The following SLC9C2 variants were observed in gnomAD, a reference collection of about 807,000 sequenced individuals.
SLC9C2 encodes solute carrier family 9 member C2 (putative), also known as sodium/hydrogen exchanger 11.
Under a neutral mutation model 140.2 loss-of-function variants are expected in SLC9C2, and 75 were observed. The observed-to-expected ratio is 0.53, with a 90% confidence interval of 0.44 to 0.65. The LOEUF (loss-of-function observed/expected upper bound fraction) is 0.65. Ranked by LOEUF, SLC9C2 falls within the 30% of genes least tolerant of loss-of-function variation. The probability of loss-of-function intolerance (pLI) is 0.00; values close to 1 mark genes in which losing one functional copy is unlikely to be tolerated. For missense variants in SLC9C2, 1,074 were observed against 1,331.8 expected (o/e 0.81, Z 3.01); for synonymous variants, 375 against 420.9 (o/e 0.89, Z 1.34).
intron 4 of SLC9C2, among the ~76,000 whole-genome samples, chr1:173,596,963 T>C (rs1187805247): frequency 6.6e-6 from 1 of 151,996 alleles, no homozygotes; most frequent in African/African-American, 2.4e-5. Flanking sequence ...AAGGAGAAAT[T>C]CATAAATCCA....
At chr1:173,547,849 T>G in intron 12 of SLC9C2, 65 bp from the exon 13 acceptor site, 1 of 1,205,126 alleles carries the variant, frequency 8.3e-7, no homozygotes, top group Non-Finnish European at 1.2e-6. Context: ...TAAAAATGAT[T>G]AGGAACTGGC....
At chr1:173,587,032 G>GA (rs1004513593) in intron 5 of SLC9C2, among the ~76,000 whole-genome samples, 12 of 146,108 alleles carry the variant, frequency 8.2e-5, no homozygotes, top group African/African-American at 1.3e-4. Context: ...AAGGAACAAA[G>GA]AAAAAAAAAA....
Position 173,524,787 on chromosome 1 carries a change from TCTC to T in SLC9C2, c.2503_2505del (p.Glu835del). The T allele has an allele frequency of 6.2e-7, 1 of 1,613,898 alleles. No homozygotes were observed. Among genetic ancestry groups the T allele is most frequent in the Non-Finnish European group, 8.5e-7 (1 of 1,179,854 alleles). ...GAATCAAGCAAAATTACCTTATTTA[TCTC>T]AATGACTTCATGCTTATCAATAATG... is the stretch of plus-strand genomic sequence containing the variant. On this transcript the variant is annotated inframe_deletion, in exon 20 of 28. Transcript: ENST00000367714.
intron 6 of SLC9C2, among the ~76,000 whole-genome samples, chr1:173,582,245 T>C (rs1241333482): frequency 6.6e-6 from 1 of 152,186 alleles, no homozygotes; most frequent in Non-Finnish European, 1.5e-5. Context: ...AAGATTCAAA[T>C]GTCCTCAGGA....
chr1:173,554,721 C>A lies in SLC9C2; in HGVS notation c.1297+12G>T. On this transcript the variant is annotated intron_variant, in intron 11 of 27. Transcript: ENST00000367714. ...CTCCCCAGCTAATTCATGAATGAGACACATACTTTACCTAACTTCCTGGCT... is the reference window on the plus strand; with the variant it reads ...CTCCCCAGCTAATTCATGAATGAGAAACATACTTTACCTAACTTCCTGGCT... 2 of 1,558,506 alleles carry A rather than the reference C, an allele frequency of 1.3e-6. No individual in the cohort carries two copies. Among genetic ancestry groups the A allele is most frequent in the Non-Finnish European group, 8.8e-7 (1 of 1,130,068 alleles).
chr1:173,565,210 T>C (rs951385785), intron 9 of SLC9C2, among the ~76,000 whole-genome samples: 3 of 152,130 alleles, frequency 2.0e-5, no homozygotes, highest in Non-Finnish European at 2.9e-5. Context: ...TTTTTAACTT[T>C]ATGTTATCTA....
At chr1:173,521,492 TA>T in intron 21 of SLC9C2, 93 bp from the exon 22 acceptor site, 1 of 296,418 alleles carries the variant, frequency 3.4e-6, no homozygotes, top group South Asian at 1.3e-4. Flanking sequence ...TATATATATA[TA>T]TATATGATTT....
Position 173,501,090 on chromosome 1 carries a change from GT to G in SLC9C2, c.*3del. The G allele has an allele frequency of 6.5e-7, 1 of 1,533,086 alleles. No individual in the cohort carries two copies. Among genetic ancestry groups the G allele is most frequent in the Non-Finnish European group, 8.8e-7 (1 of 1,139,596 alleles). 95.0% of individuals were successfully genotyped at this position (1,533,086 alleles called of 1,614,324 possible). ...ATACCCTTTTCTAAAATGGTATCCA[GT>G]TTTCAACTATAAAAGAAAGTCAAAA... On this transcript the variant is annotated 3_prime_UTR_variant, in exon 28 of 28. Coordinates refer to ENST00000367714, the MANE Select transcript of SLC9C2 (RefSeq NM_178527.4).
chr1:173,545,880 C>T (rs1282586391), intron 13 of SLC9C2, among the ~76,000 whole-genome samples: 1 of 152,076 alleles, frequency 6.6e-6, no homozygotes, highest in Non-Finnish European at 1.5e-5. Context: ...AGGTACTGGC[C>T]CTTTTGCCTC....
At chr1:173,588,833 G>A (rs957713257) in intron 4 of SLC9C2, among the ~76,000 whole-genome samples, 2 of 152,118 alleles carry the variant, frequency 1.3e-5, no homozygotes, top group Non-Finnish European at 2.9e-5. Flanking sequence ...CAGCACTTTA[G>A]GAGGCAAGGC....
chr1:173,561,693 A>C (rs1032766674), intron 9 of SLC9C2, among the ~76,000 whole-genome samples: 1 of 152,176 alleles, frequency 6.6e-6, no homozygotes, highest in Non-Finnish European at 1.5e-5. Context: ...ACAGCCTTCA[A>C]GGACATCAGC....
chr1:173,601,763 A>G lies in SLC9C2; in HGVS notation c.14T>C (p.Phe5Ser), dbSNP rs1666798668. The G allele has an allele frequency of 6.2e-7, 1 of 1,613,916 alleles. No homozygotes were observed. Among genetic ancestry groups the G allele is most frequent in the Non-Finnish European group, 8.5e-7 (1 of 1,179,920 alleles). The change falls in exon 2 of 28, where the codon TTC becomes TCC. Residue 5 changes from phenylalanine (F) to serine (S), a missense_variant. Transcript: ENST00000367714. ...TCTGTTACTTTCATTTTGTGCCCAG[A>G]AGTAAGAACTCATTTTTGCTGCTGC... MSSY[F>S]WAQNESNRPD...
intron 9 of SLC9C2, among the ~76,000 whole-genome samples, chr1:173,562,333 T>C (rs539126911): frequency 1.6e-4 from 25 of 152,248 alleles, no homozygotes; most frequent in South Asian, 1.4e-3. Context: ...CGTTTCATAA[T>C]GTTTATTTTT....
intron 23 of SLC9C2, among the ~76,000 whole-genome samples, chr1:173,511,800 C>A (rs1660075044): frequency 6.6e-6 from 1 of 152,116 alleles, no homozygotes; most frequent in South Asian, 2.1e-4. Context: ...ACATGTAAGT[C>A]TTTAATCCAT....
chr1:173,600,073 T>C, intron 3 of SLC9C2, 44 bp downstream of exon 3: 1 of 1,329,974 alleles, frequency 7.5e-7, no homozygotes, highest in Non-Finnish European at 1.1e-6. Flanking sequence ...ACTTTATTTT[T>C]GGCATTTTTT....
At chr1:173,522,056 G>GT (rs954334093) in intron 21 of SLC9C2, among the ~76,000 whole-genome samples, 4 of 152,018 alleles carry the variant, frequency 2.6e-5, no homozygotes, top group African/African-American at 9.7e-5. Context: ...GTGAAACCCC[G>GT]TCTCTACTAA....
chr1:173,591,039 C>T (rs1039875280), intron 4 of SLC9C2, among the ~76,000 whole-genome samples: 2 of 152,036 alleles, frequency 1.3e-5, no homozygotes, highest in South Asian at 2.1e-4. Context: ...TTTTTCTGAA[C>T]CCTCAAGTAG....
At chr1:173,518,905 G>A (rs1185724114) in intron 22 of SLC9C2, among the ~76,000 whole-genome samples, 1 of 151,976 alleles carries the variant, frequency 6.6e-6, no homozygotes, top group Middle Eastern at 3.2e-3. Flanking sequence ...TTCTAAAGGA[G>A]GCCCCCCCAA....
chr1:173,570,970 T>C (rs1204896198), intron 9 of SLC9C2, among the ~76,000 whole-genome samples: 2 of 152,208 alleles, frequency 1.3e-5, no homozygotes, highest in Non-Finnish European at 2.9e-5. Context: ...TTAGTGCCTC[T>C]TTCTGCAATA....
Sources: allele counts gnomAD v4.1 joint callset (sites outside exome capture counted in the v4.1 genomes callset), GRCh38; gene constraint gnomAD v4.1.1; transcripts MANE v1.5; gene names NCBI Gene and HGNC (gene_info 2026-07-23, HGNC 2026-07-21).